Variants in TUT4 observed in about 807,000 individuals in gnomAD.
The protein encoded by TUT4 is terminal uridylyltransferase 4.
TUT4 carries 36 observed loss-of-function variants against 192.2 expected under a neutral mutation model. The observed-to-expected ratio is 0.19, with a 90% CI of 0.14 to 0.25. The LOEUF is 0.25. Among genes scored for constraint, TUT4 ranks in the 10% least tolerant of loss-of-function variants. The probability of loss-of-function intolerance (pLI) is 1.00; values close to 1 mark genes in which losing one functional copy is unlikely to be tolerated. For synonymous variants in TUT4, 618 were observed against 666.0 expected (o/e 0.93, Z 1.11); for missense variants, 1,493 against 1,957.2 (o/e 0.76, Z 4.47).
chr1:52,443,994 T>C (rs1193637722), intron 24 of TUT4, among the ~76,000 whole-genome samples: 1 of 152,182 alleles, frequency 6.6e-6, no homozygotes, highest in Non-Finnish European at 1.5e-5. Context: ...TCCCAGCACT[T>C]TGGGAGGCCA....
At chr1:52,502,804 G>A (rs1000906151) in intron 4 of TUT4, among the ~76,000 whole-genome samples, 3 of 151,562 alleles carry the variant, frequency 2.0e-5, no homozygotes, top group African/African-American at 7.3e-5. Context: ...TTGTATTATT[G>A]GTAGAGATGG....
chr1:52,549,941 A>G (rs1688982948), intron 1 of TUT4, among the ~76,000 whole-genome samples: 2 of 152,110 alleles, frequency 1.3e-5, no homozygotes, highest in South Asian at 4.1e-4. Flanking sequence ...TTTGAACATA[A>G]GACACCACAC....
At chr1:52,490,409 A>G (rs539490437) in intron 8 of TUT4, among the ~76,000 whole-genome samples, 3 of 151,626 alleles carry the variant, frequency 2.0e-5, no homozygotes, top group African/African-American at 7.3e-5. Flanking sequence ...AAGAGAGGCT[A>G]TTTCTTCTTT....
intron 3 of TUT4, 154 bp downstream of exon 3, chr1:52,515,737 G>C: frequency 1.2e-6 from 1 of 826,018 alleles, no homozygotes; most frequent in Non-Finnish European, 1.9e-6. Flanking sequence ...GAAGAAAAGA[G>C]GGAAAGAAGA....
Position 52,489,000 on chromosome 1 carries a change from A to G in TUT4, c.1424T>C (p.Met475Thr), listed in dbSNP as rs747225850. ...AAGTAAATCAGTAGTGAGACATGCC[A>G]TATCGTTTCCTGCACTCACTCTACA... Reference protein sequence around the residue: ...LLCRVSAGNDMACLTTDLLTA... With the variant: ...LLCRVSAGNDTACLTTDLLTA... The change falls in exon 9 of 30, where the codon ATG (methionine) becomes ACG (threonine). Residue 475 changes from methionine (M) to threonine (T), a missense_variant. By Grantham distance (81) the Met-to-Thr change is moderately conservative (BLOSUM62 -1). Coordinates refer to ENST00000257177, the MANE Select transcript of TUT4 (RefSeq NM_001009881.3). 2 of 1,613,712 alleles carry G rather than the reference A, an allele frequency of 1.2e-6. No individual in the cohort carries two copies. The highest frequency in any genetic ancestry group is 1.1e-5 in the South Asian group (1 of 91,012).
At chr1:52,483,471 A>G (rs568083701) in intron 9 of TUT4, among the ~76,000 whole-genome samples, 1 of 152,236 alleles carries the variant, frequency 6.6e-6, no homozygotes, top group South Asian at 2.1e-4. Flanking sequence ...TCAGCCCTCC[A>G]TATCAATGGG....
chr1:52,463,918 T>A, intron 16 of TUT4: 4 of 537,010 alleles, frequency 7.4e-6, no homozygotes, highest in Non-Finnish European at 1.2e-5. Context: ...TACAGTACTA[T>A]TAGTACTATA....
chr1:52,525,229 G>A (rs1681416257), intron 2 of TUT4, among the ~76,000 whole-genome samples: 2 of 152,098 alleles, frequency 1.3e-5, no homozygotes, highest in Non-Finnish European at 2.9e-5. Flanking sequence ...TACATATTTG[G>A]TGAATGAATG....
intron 20 of TUT4, among the ~76,000 whole-genome samples, chr1:52,455,405 C>T (rs1490447537): frequency 4.0e-5 from 6 of 151,742 alleles, no homozygotes; most frequent in South Asian, 2.1e-4. Context: ...CCCAGGAGTT[C>T]GAGACCAGCC....
rs746712347 is a variant in TUT4 at position 52,446,424 on chromosome 1, G to C, written c.3532C>G (p.Leu1178Val). The C allele has an allele frequency of 4.4e-6, 7 of 1,595,514 alleles. No homozygotes were observed. The highest frequency in any genetic ancestry group is 6.0e-6 in the Non-Finnish European group (7 of 1,175,206). ...TEELKKRLPSLGKNTESLGEL... is the reference protein window; with the variant it reads ...TEELKKRLPSVGKNTESLGEL... Reference sequence around the variant, plus strand: ...CCTAATGATTCTGTGTTCTTTCCAAGTGAAGGTAAACGCTTTTTCTACATA... The same window carrying C: ...CCTAATGATTCTGTGTTCTTTCCAACTGAAGGTAAACGCTTTTTCTACATA... Residue 1178 changes from leucine to valine, a missense_variant, in exon 22 of 30, where the codon CTT becomes GTT. Around this residue, in one of 7 missense-constraint regions of TUT4, gnomAD observed 141 missense variants for 382.7 expected, o/e 0.37. Coordinates refer to ENST00000257177, the MANE Select transcript of TUT4 (RefSeq NM_001009881.3).
At chr1:52,474,456 G>A (rs1481056623) in intron 13 of TUT4, among the ~76,000 whole-genome samples, 4 of 151,008 alleles carry the variant, frequency 2.6e-5, no homozygotes, top group African/African-American at 9.8e-5. Context: ...CTTTTATTTT[G>A]GGGGGGGAAG....
intron 24 of TUT4, among the ~76,000 whole-genome samples, chr1:52,444,997 ACATGTATG>A (rs1225076511): frequency 6.7e-6 from 1 of 149,680 alleles, no homozygotes; most frequent in African/African-American, 2.5e-5. Flanking sequence ...ATATGTATAT[ACATGTATG>A]TGTGTATATA....
At position 52,463,689 on chromosome 1, in the gene TUT4, C is replaced by T. The variant is rs954667878; in HGVS notation, c.3069+1381G>A. The T allele has an allele frequency of 2.3e-6, 3 of 1,304,118 alleles. No individual in the cohort carries two copies. The African/African-American group carries it at 4.6e-5, about 20-fold the overall frequency. 80.8% of individuals were successfully genotyped at this position (1,304,118 alleles called of 1,614,324 possible). ...CAAGGATACCCTCCTTTGCTAGTTG[C>T]TGTTGAGAAGGCCTGGGACACTTCT... On this transcript the variant is annotated intron_variant, in intron 16 of 29. Transcript: ENST00000257177.
At chr1:52,548,606 A>G (rs1399317562) in intron 1 of TUT4, among the ~76,000 whole-genome samples, 2 of 152,220 alleles carry the variant, frequency 1.3e-5, no homozygotes, top group Non-Finnish European at 2.9e-5. Flanking sequence ...TGAGAATAAT[A>G]TAAAAAGGGT....
Position 52,458,360 on chromosome 1 carries a change from T to C in TUT4, c.3411A>G (p.Pro1137=). ...MVLYFLQQRK[P]PVIPVLQEIF... Reference sequence around the variant, plus strand: ...CCTCTTGTAGAACTGGGATAACAGGTGGCTTTCTCTGCTGCAGAAAGTACA... The same window carrying C: ...CCTCTTGTAGAACTGGGATAACAGGCGGCTTTCTCTGCTGCAGAAAGTACA... Residue 1137 remains proline, a synonymous_variant, in exon 20 of 30, where the codon CCA becomes CCG. Coordinates refer to ENST00000257177, the MANE Select transcript of TUT4 (RefSeq NM_001009881.3). 1 of 1,613,782 alleles carries C rather than the reference T, an allele frequency of 6.2e-7. No individual in the cohort carries two copies.
intron 1 of TUT4, among the ~76,000 whole-genome samples, chr1:52,532,574 G>C (rs1465205746): frequency 6.6e-6 from 1 of 152,146 alleles, no homozygotes; most frequent in Non-Finnish European, 1.5e-5. Flanking sequence ...GCCTACCCAA[G>C]TGCCGGGATT....
chr1:52,463,342 G>A (rs1048909273), intron 16 of TUT4: 78 of 994,316 alleles, frequency 7.8e-5, no homozygotes, highest in Admixed American at 6.4e-4. Flanking sequence ...CAGAATTTAA[G>A]TAAAGGAGAA....
chr1:52,462,543 T>G (rs899930012), intron 16 of TUT4: 1 of 197,936 alleles, frequency 5.1e-6, no homozygotes, highest in Non-Finnish European at 9.1e-6. Context: ...TTAACCTCTC[T>G]GAGCATTACA....
chr1:52,445,618 T>G (rs1184150167), intron 24 of TUT4, among the ~76,000 whole-genome samples, 169 bp downstream of exon 24: 1 of 152,162 alleles, frequency 6.6e-6, no homozygotes, highest in Non-Finnish European at 1.5e-5. Context: ...ACAAATAAAA[T>G]TTTGAAAATA....
Sources: allele counts gnomAD v4.1 joint callset (sites outside exome capture counted in the v4.1 genomes callset), GRCh38; gene constraint gnomAD v4.1.1; regional missense constraint gnomAD v4.1.1; transcripts MANE v1.5; gene names NCBI Gene and HGNC (gene_info 2026-07-23, HGNC 2026-07-21).